MAST4: variants seen among roughly 807,000 people sequenced by gnomAD.
The protein encoded by MAST4 is microtubule-associated serine/threonine-protein kinase 4.
In MAST4, 89 loss-of-function variants were observed where a neutral mutation model predicts 162.7. The observed-to-expected ratio is 0.55, with a 90% CI of 0.46 to 0.65. The LOEUF (loss-of-function observed/expected upper bound fraction) is 0.65, where lower values mean the gene tolerates loss of function less well. Ranked by LOEUF, MAST4 falls within the 30% of genes least tolerant of loss-of-function variation. The pLI is 0.00. For missense variants in MAST4, 3,153 were observed against 3,374.0 expected (o/e 0.93, Z 1.62); for synonymous variants, 1,479 against 1,361.1 (o/e 1.09, Z -1.91).
intron 4 of MAST4, among the ~76,000 whole-genome samples, chr5:67,042,293 TAAC>T (rs949825521): frequency 6.6e-6 from 1 of 152,122 alleles, no homozygotes; most frequent in Non-Finnish European, 1.5e-5. Flanking sequence ...ACCCCACAAA[TAAC>T]AACAGCAAGG....
At chr5:67,061,395 C>G (rs1759579240) in intron 5 of MAST4, among the ~76,000 whole-genome samples, 1 of 151,916 alleles carries the variant, frequency 6.6e-6, no homozygotes, top group South Asian at 2.1e-4. Context: ...ATCCTTGGTC[C>G]CTCTCTTTTG....
intron 1 of MAST4, among the ~76,000 whole-genome samples, chr5:66,706,711 G>C (rs1427301421): frequency 6.6e-6 from 1 of 151,718 alleles, no homozygotes; most frequent in Admixed American, 6.6e-5. Context: ...ATACCTGGCT[G>C]TTTTGAGTAG....
intron 3 of MAST4, among the ~76,000 whole-genome samples, chr5:66,840,213 T>C (rs1758320106): frequency 1.3e-5 from 2 of 152,162 alleles, no homozygotes; most frequent in African/African-American, 4.8e-5. Flanking sequence ...TGCTAAAATT[T>C]AGAAGCTAGG....
intron 1 of MAST4, among the ~76,000 whole-genome samples, chr5:66,604,376 C>T (rs1269027629): frequency 6.6e-6 from 1 of 152,200 alleles, no homozygotes; most frequent in South Asian, 2.1e-4. Context: ...ATACTTACCT[C>T]CACTGAACCT....
At chr5:66,625,597 T>C (rs1047481762) in intron 1 of MAST4, among the ~76,000 whole-genome samples, 2 of 152,150 alleles carry the variant, frequency 1.3e-5, no homozygotes, top group Non-Finnish European at 2.9e-5. Flanking sequence ...GTGCTCAACA[T>C]CTTTCATCAT....
intron 4 of MAST4, among the ~76,000 whole-genome samples, chr5:66,959,711 G>A (rs373753379): frequency 2.0e-5 from 3 of 152,192 alleles, no homozygotes; most frequent in East Asian, 1.9e-4. Context: ...GCAAGAGAAG[G>A]GTTATTTGTG....
chr5:67,011,808 T>G (rs1272692963), intron 4 of MAST4, among the ~76,000 whole-genome samples: 1 of 152,124 alleles, frequency 6.6e-6, no homozygotes, highest in Admixed American at 6.5e-5. Context: ...TCACAGACTG[T>G]TTTGCCCCTG....
At chr5:66,842,383 C>T (rs527835400) in intron 3 of MAST4, among the ~76,000 whole-genome samples, 34 of 152,194 alleles carry the variant, frequency 2.2e-4, no homozygotes, top group Non-Finnish European at 3.7e-4. Flanking sequence ...ACCTTTCTGC[C>T]TGGAAAAATG....
chr5:66,781,909 T>C (rs1259181286), intron 2 of MAST4, among the ~76,000 whole-genome samples: 1 of 152,160 alleles, frequency 6.6e-6, no homozygotes, highest in Non-Finnish European at 1.5e-5. Context: ...TTTAATTCTT[T>C]ATATGGCCAT....
chr5:67,083,612 T>C (rs1328391137), intron 5 of MAST4, among the ~76,000 whole-genome samples: 1 of 152,138 alleles, frequency 6.6e-6, no homozygotes, highest in Non-Finnish European at 1.5e-5. Flanking sequence ...AATCCCTTCA[T>C]GTAAGATAGA....
chr5:66,915,767 TCTC>T (rs1445438108), intron 4 of MAST4, among the ~76,000 whole-genome samples: 1 of 152,206 alleles, frequency 6.6e-6, no homozygotes, highest in Non-Finnish European at 1.5e-5. Flanking sequence ...CTCACTGCTG[TCTC>T]AGGGACACAG....
At chr5:66,902,535 A>G in intron 4 of MAST4, 1 of 213,124 alleles carries the variant, frequency 4.7e-6, no homozygotes, top group South Asian at 6.0e-5. Context: ...AGTATAAAAA[A>G]GCAAACTATT....
chr5:66,932,903 C>T (rs1374366004), intron 4 of MAST4, among the ~76,000 whole-genome samples: 1 of 152,120 alleles, frequency 6.6e-6, no homozygotes, highest in African/African-American at 2.4e-5. Context: ...CTCAACAAAA[C>T]ATTGTGTTGG....
chr5:67,125,927 T>G (rs891013124), intron 14 of MAST4, among the ~76,000 whole-genome samples: 13 of 152,184 alleles, frequency 8.5e-5, no homozygotes, highest in African/African-American at 3.1e-4. Context: ...GTTTCCTGAC[T>G]TTTTAAGGAT....
intron 4 of MAST4, chr5:66,902,759 G>A (rs546917177): frequency 2.2e-6 from 1 of 457,698 alleles, no homozygotes; most frequent in African/African-American, 2.0e-5. Context: ...CACTTTTCCA[G>A]AGGCATTCCA....
At chr5:66,782,916 C>A (rs901851501) in intron 2 of MAST4, among the ~76,000 whole-genome samples, 2 of 152,138 alleles carry the variant, frequency 1.3e-5, no homozygotes, top group African/African-American at 2.4e-5. Context: ...TGATAGTCAT[C>A]AAAAAGTGAA....
chr5:66,857,755 GT>G (rs1561387395), intron 3 of MAST4, among the ~76,000 whole-genome samples: 1 of 152,024 alleles, frequency 6.6e-6, no homozygotes, highest in Non-Finnish European at 1.5e-5. Flanking sequence ...TAATGTATCT[GT>G]TTTAGATATT....
chr5:66,873,677 A>T (rs898995997), intron 3 of MAST4, among the ~76,000 whole-genome samples: 5 of 152,258 alleles, frequency 3.3e-5, no homozygotes, highest in African/African-American at 1.2e-4. Context: ...ATTGCTCTAG[A>T]TTTTCTCATC....
At chr5:66,644,644 T>C (rs1745704086) in intron 1 of MAST4, among the ~76,000 whole-genome samples, 1 of 152,028 alleles carries the variant, frequency 6.6e-6, no homozygotes, top group Admixed American at 6.6e-5. Context: ...GAATCCAAAC[T>C]GACACTATAC....
Sources: gnomAD v4.1 joint callset for allele counts (sites outside exome capture counted in the v4.1 genomes callset) on GRCh38, gnomAD v4.1.1 for gene constraint, MANE v1.5 for transcripts, NCBI Gene and HGNC (gene_info 2026-07-23, HGNC 2026-07-21) for gene names.